Variants in ABTB2 observed in about 807,000 individuals in gnomAD.
ABTB2 encodes ankyrin repeat and BTB domain containing 2.
In ABTB2, 56 loss-of-function variants were observed where a neutral mutation model predicts 104.1. The observed-to-expected ratio is 0.54, with a 90% CI of 0.43 to 0.67. ABTB2 has a LOEUF of 0.67. Among genes scored for constraint, ABTB2 ranks in the 30% least tolerant of loss-of-function variants. The probability of loss-of-function intolerance (pLI) is 0.00; values close to 1 mark genes in which losing one functional copy is unlikely to be tolerated. For synonymous variants in ABTB2, 606 were observed against 608.2 expected (o/e 1.00, Z 0.05); for missense variants, 1,279 against 1,407.7 (o/e 0.91, Z 1.46).
intron 1 of ABTB2, among the ~76,000 whole-genome samples, chr11:34,285,368 G>C (rs967724826): frequency 6.6e-6 from 1 of 152,162 alleles, no homozygotes; most frequent in Admixed American, 6.5e-5. Flanking sequence ...GCAGGACCTA[G>C]TGCGTGCTTT....
At chr11:34,240,485 A>G (rs1204923893) in intron 1 of ABTB2, among the ~76,000 whole-genome samples, 2 of 152,238 alleles carry the variant, frequency 1.3e-5, no homozygotes, top group African/African-American at 4.8e-5. Context: ...TGGGAAAGCC[A>G]GAAGCAGAGA....
intron 14 of ABTB2, among the ~76,000 whole-genome samples, chr11:34,156,376 G>A (rs773865416): frequency 3.3e-5 from 5 of 152,206 alleles, no homozygotes; most frequent in Non-Finnish European, 7.3e-5. Flanking sequence ...GGGGCTAGAG[G>A]CTGCTTGAGG....
rs545214400 is a variant in ABTB2 at position 34,320,980 on chromosome 11, C to T, written c.883+35721G>A. ...GGTGGATCACCTGAGGTCGGGAGTT[C>T]AAGACCAGCCTGACCAACATGGAGA... On this transcript the variant is annotated intron_variant, in intron 1 of 16. Coordinates refer to ENST00000435224, the MANE Select transcript of ABTB2 (RefSeq NM_145804.3). Among the ~76,000 whole-genome samples, 9 of 152,188 alleles carry T rather than the reference C, an allele frequency of 5.9e-5. 1 individual carries two copies. The South Asian group carries it at 1.7e-3, about 28-fold the overall frequency.
chr11:34,279,033 AATGTGT>A (rs1484754536), intron 1 of ABTB2, among the ~76,000 whole-genome samples: 6 of 152,320 alleles, frequency 3.9e-5, no homozygotes, highest in African/African-American at 1.4e-4. Flanking sequence ...CCATGGGTAT[AATGTGT>A]CTGCACAGGT....
At position 34,204,703 on chromosome 11, in the gene ABTB2, A is replaced by G; in HGVS notation, c.884-13T>C. Reference sequence around the variant, plus strand: ...AGGGAGAGGACACCTATGGGGAAAGAAGGCAGACAGGTCACACTTAGGAAG... The same window carrying G: ...AGGGAGAGGACACCTATGGGGAAAGGAGGCAGACAGGTCACACTTAGGAAG... On this transcript the variant is annotated splice_polypyrimidine_tract_variant and intron_variant, in intron 1 of 16. Coordinates refer to ENST00000435224, the MANE Select transcript of ABTB2 (RefSeq NM_145804.3). 3.7e-6 allele frequency: 6 copies of G among 1,608,926 alleles called. No individual in the cohort carries two copies. Among genetic ancestry groups the G allele is most frequent in the Non-Finnish European group, 5.1e-6 (6 of 1,177,282 alleles).
chr11:34,197,544 G>T lies in ABTB2; in HGVS notation c.1031-6C>A, dbSNP rs377271900. 1 of 1,561,728 alleles carries T rather than the reference G, an allele frequency of 6.4e-7. No homozygotes were observed. The highest frequency in any genetic ancestry group is 2.0e-4 in the Middle Eastern group (1 of 5,114). ...GGCACGGGAGACCAAGTCACCTGGT[G>T]GGGGGCGGGGAGGGCAGAGGGGAGG... On this transcript the variant is annotated splice_region_variant and splice_polypyrimidine_tract_variant and intron_variant, in intron 2 of 16. Transcript: ENST00000435224.
intron 1 of ABTB2, among the ~76,000 whole-genome samples, chr11:34,217,970 C>A (rs1291463570): frequency 6.6e-6 from 1 of 152,170 alleles, no homozygotes; most frequent in Non-Finnish European, 1.5e-5. Flanking sequence ...TGGATTCTGG[C>A]CACTCTAAGA....
At chr11:34,338,313 G>A (rs12295971) in intron 1 of ABTB2, among the ~76,000 whole-genome samples, 1 of 151,908 alleles carries the variant, frequency 6.6e-6, no homozygotes, top group African/African-American at 2.4e-5. Context: ...CTCAGGAGAT[G>A]GAGGTTGCAA....
chr11:34,319,785 C>G (rs1489437653), intron 1 of ABTB2, among the ~76,000 whole-genome samples: 2 of 152,228 alleles, frequency 1.3e-5, no homozygotes, highest in Non-Finnish European at 2.9e-5. Flanking sequence ...TCTCCTGCCT[C>G]AGCCTCCCAA....
At chr11:34,335,595 T>C (rs2133119628) in intron 1 of ABTB2, 2 of 1,503,964 alleles carry the variant, frequency 1.3e-6, no homozygotes, top group East Asian at 4.5e-5. Context: ...GTTAAGTTTC[T>C]GCACTGTTAA....
chr11:34,327,870 G>A (rs1004626158), intron 1 of ABTB2, among the ~76,000 whole-genome samples: 3 of 151,380 alleles, frequency 2.0e-5, no homozygotes, highest in East Asian at 1.9e-4. Flanking sequence ...ACAATCCCCC[G>A]GCAGCTGCGT....
intron 1 of ABTB2, among the ~76,000 whole-genome samples, chr11:34,231,291 T>G (rs1853766232): frequency 6.6e-6 from 1 of 152,168 alleles, no homozygotes; most frequent in Admixed American, 6.5e-5. Flanking sequence ...GCATGCTTAC[T>G]GATTGAAAAA....
chr11:34,336,612 C>T (rs969610616), intron 1 of ABTB2, among the ~76,000 whole-genome samples: 2 of 151,652 alleles, frequency 1.3e-5, no homozygotes, highest in Non-Finnish European at 1.5e-5. Context: ...CACTACACTC[C>T]AGCCTAGGTG....
intron 1 of ABTB2, among the ~76,000 whole-genome samples, chr11:34,278,479 T>C (rs925070464): frequency 4.6e-5 from 7 of 152,324 alleles, no homozygotes; most frequent in East Asian, 1.9e-4. Context: ...TACATTTTCA[T>C]AGTATTCTGA....
chr11:34,243,618 T>TTTA (rs1853948977), intron 1 of ABTB2, among the ~76,000 whole-genome samples: 1 of 152,220 alleles, frequency 6.6e-6, no homozygotes, highest in South Asian at 2.1e-4. Context: ...ATTTTACAGA[T>TTTA]TTATTATCTA....
intron 1 of ABTB2, among the ~76,000 whole-genome samples, chr11:34,291,032 G>A (rs1854560744): frequency 6.6e-6 from 1 of 152,208 alleles, no homozygotes; most frequent in South Asian, 2.1e-4. Context: ...GCCTTCATCT[G>A]CCAGTGGAAA....
At chr11:34,236,704 C>T (rs1853849017) in intron 1 of ABTB2, among the ~76,000 whole-genome samples, 1 of 152,102 alleles carries the variant, frequency 6.6e-6, no homozygotes, top group Admixed American at 6.6e-5. Context: ...GTTAGCCAGG[C>T]CAGGAGGGAG....
intron 1 of ABTB2, among the ~76,000 whole-genome samples, chr11:34,248,952 G>A (rs562985705): frequency 1.1e-4 from 16 of 152,274 alleles, no homozygotes; most frequent in African/African-American, 3.6e-4. Flanking sequence ...CCAAAATGGA[G>A]AAACCCTGTT....
chr11:34,159,421 A>G (rs1268185335), intron 13 of ABTB2, 35 bp from the exon 14 acceptor site: 2 of 1,430,142 alleles, frequency 1.4e-6, no homozygotes, highest in Non-Finnish European at 2.0e-6. Flanking sequence ...GTGGGTTTTG[A>G]ACCTTTTACT....
Sources: gnomAD v4.1 joint callset for allele counts (sites outside exome capture counted in the v4.1 genomes callset) on GRCh38, gnomAD v4.1.1 for gene constraint, MANE v1.5 for transcripts, NCBI Gene and HGNC (gene_info 2026-07-23, HGNC 2026-07-21) for gene names.